The following ASB4 variants were observed in gnomAD, a reference collection of about 807,000 sequenced individuals.
ASB4 encodes ankyrin repeat and SOCS box containing 4, also known as ankyrin repeat and SOCS box protein 4.
ASB4 carries 35 observed loss-of-function variants against 38.6 expected under a neutral mutation model. That is an observed-to-expected ratio of 0.91 (90% confidence interval 0.69 to 1.20). The LOEUF is 1.20. Ranked by LOEUF, ASB4 falls within the 50% of genes most tolerant of loss-of-function variation. The pLI, the probability that ASB4 is intolerant of heterozygous loss-of-function variation, is 0.00. For synonymous variants in ASB4, 195 were observed against 201.3 expected, an observed-to-expected ratio of 0.97 and a Z score of 0.26; for missense variants, 557 against 527.2, an observed-to-expected ratio of 1.06 and a Z score of -0.55.
At position 95,539,277 on chromosome 7, in the gene ASB4, A is replaced by G. The variant is rs1562824577; in HGVS notation, c.*1518A>G. On this transcript the variant is annotated 3_prime_UTR_variant, in exon 5 of 5. Coordinates refer to ENST00000325885, the MANE Select transcript of ASB4 (RefSeq NM_016116.3). The stretch of plus-strand genomic sequence containing the variant: ...AGATATTCCAATAGGCTATCATTTA[A>G]TGTTAACTGGCAATCACCTAACTGG... 6.6e-6 allele frequency: 1 copy of G among 152,190 alleles called. No homozygotes were observed. Among genetic ancestry groups the G allele is most frequent in the Non-Finnish European group, 1.5e-5 (1 of 68,034 alleles). 9.4% of individuals were successfully genotyped at this position (152,190 alleles called of 1,614,324 possible).
intron 2 of ASB4, among the ~76,000 whole-genome samples, chr7:95,527,470 T>C (rs1790754580): frequency 6.6e-6 from 1 of 152,270 alleles, no homozygotes; most frequent in Admixed American, 6.5e-5. Flanking sequence ...ATCATTGTTA[T>C]GTTGATTAAG....
chr7:95,512,191 A>C (rs775936504), intron 2 of ASB4, among the ~76,000 whole-genome samples: 1 of 152,208 alleles, frequency 6.6e-6, no homozygotes, highest in Non-Finnish European at 1.5e-5. Context: ...GCTTGATATG[A>C]AAAGAGGAAC....
At chr7:95,471,048 T>C in the ASB4 span, among the ~76,000 whole-genome samples, 1 of 152,198 alleles carries the variant, frequency 6.6e-6, no homozygotes, top group African/African-American at 2.4e-5. Flanking sequence ...GTTGATGCCA[T>C]ATTGATTTCG....
intron 2 of ASB4, among the ~76,000 whole-genome samples, chr7:95,507,058 T>C (rs1272359838): frequency 1.3e-5 from 2 of 152,142 alleles, no homozygotes; most frequent in African/African-American, 4.8e-5. Context: ...TGTCTTATAA[T>C]CCTTGGCTGT....
chr7:95,515,305 CTTTCTTTCTTT>C lies in ASB4; in HGVS notation c.488-12507_488-12497del, dbSNP rs1562817297. ...TCTTTCTTTCTTTCTTTCTTTCTTTCTTTCTTTCTTTCTTCCTTCCTTCCTTCCTTTCTTTC... is the reference window on the plus strand; with the variant it reads ...TCTTTCTTTCTTTCTTTCTTTCTTTCCTTCCTTCCTTCCTTCCTTTCTTTC... On this transcript the variant is annotated intron_variant, in intron 2 of 4. Coordinates refer to ENST00000325885, the MANE Select transcript of ASB4 (RefSeq NM_016116.3). 7.0e-3 allele frequency among the ~76,000 whole-genome samples: 862 copies of C among 122,596 alleles called. 24 individuals carry two copies. The highest frequency in any genetic ancestry group is 0.018 in the African/African-American group (604 of 32,990). 80.4% of individuals were successfully genotyped at this position (122,596 alleles called of 152,430 possible). A position where few individuals can be genotyped will look rare whatever the true frequency, so the allele number is the denominator to read the frequency against.
intron 3 of ASB4, 72 bp from the exon 4 acceptor site, chr7:95,536,362 TTGA>T: frequency 1.1e-6 from 1 of 944,940 alleles, no homozygotes; most frequent in East Asian, 2.6e-5. Context: ...CTGTGAATTC[TTGA>T]TGTCTCTGTG....
At chr7:95,521,853 G>T (rs1289849867) in intron 2 of ASB4, among the ~76,000 whole-genome samples, 1 of 151,932 alleles carries the variant, frequency 6.6e-6, no homozygotes, top group East Asian at 1.9e-4. Context: ...ACCAAGCAAT[G>T]ATAAGCATCA....
At chr7:95,474,511 T>G (rs775602815), upstream of ASB4, among the ~76,000 whole-genome samples, 1 of 152,218 alleles carries the variant, frequency 6.6e-6, no homozygotes, top group Non-Finnish European at 1.5e-5. Flanking sequence ...AAAATCCTAT[T>G]TTAAAACTTA....
upstream of ASB4, among the ~76,000 whole-genome samples, chr7:95,483,684 C>T (rs1790042720): frequency 6.6e-6 from 1 of 152,156 alleles, no homozygotes; most frequent in South Asian, 2.1e-4. Context: ...ATTCCCATCG[C>T]CACTTAAATC....
intron 3 of ASB4, among the ~76,000 whole-genome samples, chr7:95,532,256 CAGAGCTGA>C (rs776303190): frequency 2.6e-5 from 4 of 152,122 alleles, no homozygotes; most frequent in Non-Finnish European, 4.4e-5. Flanking sequence ...GGAACAAGGT[CAGAGCTGA>C]AGATGTTTTC....
upstream of ASB4, among the ~76,000 whole-genome samples, chr7:95,482,827 C>T (rs945810151): frequency 6.6e-6 from 1 of 152,146 alleles, no homozygotes; most frequent in Non-Finnish European, 1.5e-5. Context: ...ATGTACTCAG[C>T]CCTCCTCACA....
the ASB4 span, among the ~76,000 whole-genome samples, chr7:95,546,375 C>T: frequency 6.6e-6 from 1 of 152,126 alleles, no homozygotes; most frequent in Non-Finnish European, 1.5e-5. Context: ...AATATGGGCC[C>T]TCTTTCAATG....
intron 3 of ASB4, among the ~76,000 whole-genome samples, chr7:95,534,084 C>T (rs1261573468): frequency 6.8e-6 from 1 of 147,960 alleles, no homozygotes; most frequent in Non-Finnish European, 1.5e-5. Flanking sequence ...GTGGCTTACA[C>T]CTGTAATCCC....
At chr7:95,498,620 C>T (rs778209748) in intron 2 of ASB4, among the ~76,000 whole-genome samples, 7 of 152,146 alleles carry the variant, frequency 4.6e-5, no homozygotes, top group South Asian at 2.1e-4. Context: ...ATAGTTTGCA[C>T]GTATTTCTCT....
chr7:95,491,962 G>T (rs1790177221), intron 1 of ASB4, among the ~76,000 whole-genome samples: 1 of 152,144 alleles, frequency 6.6e-6, no homozygotes, highest in South Asian at 2.1e-4. Context: ...CCAAAGTTTT[G>T]CAACACAGCT....
At chr7:95,479,090 G>A (rs564930092) in intron 1 of ASB4, among the ~76,000 whole-genome samples, 1 of 152,272 alleles carries the variant, frequency 6.6e-6, no homozygotes, top group South Asian at 2.1e-4. Context: ...TTCCATAAGG[G>A]AGAAAAAAGC....
At chr7:95,550,855 C>T in the ASB4 span, among the ~76,000 whole-genome samples, 1 of 152,168 alleles carries the variant, frequency 6.6e-6, no homozygotes, top group African/African-American at 2.4e-5. Context: ...TCTTCTCTTC[C>T]ATGTACAGGA....
chr7:95,515,267 C>CCCTT (rs1249430167), intron 2 of ASB4, among the ~76,000 whole-genome samples: 13 of 72,546 alleles, frequency 1.8e-4, no homozygotes, highest in African/African-American at 6.3e-4. Flanking sequence ...TTCTTTCTTT[C>CCCTT]TCTTTCTTTC....
Position 95,495,883 on chromosome 7 carries a change from C to T in ASB4, c.313C>T (p.Pro105Ser). The T allele has an allele frequency of 6.2e-7, 1 of 1,614,052 alleles. No individual in the cohort carries two copies. The highest frequency in any genetic ancestry group is 8.5e-7 in the Non-Finnish European group (1 of 1,180,014). Residue 105 changes from proline (P) to serine (S), a missense_variant, in exon 2 of 5, where the codon CCC becomes TCC. Pro to Ser is a moderately conservative substitution (Grantham distance 74). Coordinates refer to ENST00000325885, the MANE Select transcript of ASB4 (RefSeq NM_016116.3). ...CCACAATGCTACAATCAACTGTAGA[C>T]CCAATGGGAAAACCCCTCTTCACGT... The part of the protein sequence containing the change: ...LDHNATINCR[P>S]NGKTPLHVAC...
Sources: allele counts gnomAD v4.1 joint callset (sites outside exome capture counted in the v4.1 genomes callset), GRCh38; gene constraint gnomAD v4.1.1; transcripts MANE v1.5; gene names NCBI Gene and HGNC (gene_info 2026-07-23, HGNC 2026-07-21).